The following PITPNM2 variants were observed in gnomAD, a reference collection of about 807,000 sequenced individuals.
The protein encoded by PITPNM2 is phosphatidylinositol transfer protein membrane associated 2.
Under a neutral mutation model 132.2 loss-of-function variants are expected in PITPNM2, and 35 were observed. The ratio of observed to expected loss-of-function variants is 0.26; its 90% CI spans 0.20 to 0.35. The LOEUF is 0.35. PITPNM2 is among the 10% of genes least tolerant of loss of function. The pLI is 1.00. For synonymous variants in PITPNM2, 738 were observed against 799.2 expected, an observed-to-expected ratio of 0.92 and a Z score of 1.29; for missense variants, 1,332 against 1,912.0, an observed-to-expected ratio of 0.70 and a Z score of 5.66.
At chr12:123,021,593 A>C (rs1414725360) in intron 3 of PITPNM2, 1 of 885,786 alleles carries the variant, frequency 1.1e-6, no homozygotes, top group Non-Finnish European at 1.4e-6. Flanking sequence ...ACAGTTTCTA[A>C]ATCAAGCCCC....
intron 3 of PITPNM2, among the ~76,000 whole-genome samples, chr12:123,026,454 G>A (rs541943314): frequency 6.6e-6 from 1 of 152,234 alleles, no homozygotes; most frequent in Non-Finnish European, 1.5e-5. Context: ...AATGTCTATT[G>A]TTTCAAGCTA....
At chr12:123,088,247 A>G (rs7312673) in intron 2 of PITPNM2, 6,318 of 152,078 alleles carry the variant, frequency 0.042, 188 homozygotes, top group Non-Finnish European at 0.064. Flanking sequence ...ATATTACATG[A>G]CTTGCTTTCT....
At chr12:123,014,457 A>G (rs2136268894) in intron 3 of PITPNM2, among the ~76,000 whole-genome samples, 1 of 152,370 alleles carries the variant, frequency 6.6e-6, no homozygotes, top group African/African-American at 2.4e-5. Context: ...TAATCCCAGC[A>G]CTTCAGGAGG....
In PITPNM2 at chr12:123,144,138, C is replaced by A. The variant is rs566745712; in HGVS notation, c.-200+6615G>T. 3.3e-5 allele frequency among the ~76,000 whole-genome samples: 5 copies of A among 152,324 alleles called. No individual in the cohort carries two copies. In the South Asian group the frequency reaches 1.0e-3, roughly 32 times the overall value. Reference sequence around the variant, plus strand: ...TGGCACATTCCCTGCTGAGGTTGAACGAGGGGACATCCTCTATCTTCCCAT... The same window carrying A: ...TGGCACATTCCCTGCTGAGGTTGAAAGAGGGGACATCCTCTATCTTCCCAT... On this transcript the variant is annotated intron_variant, in intron 1 of 25. Coordinates refer to ENST00000320201, the MANE Select transcript of PITPNM2 (RefSeq NM_020845.3).
At position 122,990,541 on chromosome 12, in the gene PITPNM2, T is replaced by A. The variant is rs371788853; in HGVS notation, c.2569+4A>T. 11 of 1,612,704 alleles carry A rather than the reference T, an allele frequency of 6.8e-6. No homozygotes were observed. Among genetic ancestry groups the A allele is most frequent in the Non-Finnish European group, 8.5e-6 (10 of 1,179,854 alleles). The stretch of plus-strand genomic sequence containing the variant: ...GAGGAGGGTGAGGGGCCTGGTATAC[T>A]CACTCTGGGCGATGCTGGATGCCGT... On this transcript the variant is annotated splice_donor_region_variant and intron_variant, in intron 17 of 25. Coordinates refer to ENST00000320201, the MANE Select transcript of PITPNM2 (RefSeq NM_020845.3).
intron 3 of PITPNM2, among the ~76,000 whole-genome samples, chr12:123,017,117 T>A (rs2039458378): frequency 2.0e-5 from 3 of 148,496 alleles, no homozygotes; most frequent in African/African-American, 7.5e-5. Flanking sequence ...ACTCCTGTAA[T>A]CCCAGCACTT....
chr12:123,114,758 G>T (rs2042903510), intron 1 of PITPNM2, among the ~76,000 whole-genome samples: 1 of 152,144 alleles, frequency 6.6e-6, no homozygotes. Context: ...TCATAGAATG[G>T]CTGAAGAGTC....
chr12:123,062,290 G>A (rs2041265918), intron 2 of PITPNM2, among the ~76,000 whole-genome samples: 1 of 152,160 alleles, frequency 6.6e-6, no homozygotes, highest in African/African-American at 2.4e-5. Context: ...TTACTCATCT[G>A]TAAAGGGAGG....
At chr12:123,113,290 G>A (rs1210856147) in intron 1 of PITPNM2, among the ~76,000 whole-genome samples, 6 of 152,228 alleles carry the variant, frequency 3.9e-5, no homozygotes, top group East Asian at 1.9e-4. Context: ...CGTATGGTAG[G>A]TGGAACCACG....
chr12:123,072,461 T>G (rs1394666376), intron 2 of PITPNM2, among the ~76,000 whole-genome samples: 1 of 152,180 alleles, frequency 6.6e-6, no homozygotes, highest in Non-Finnish European at 1.5e-5. Context: ...AGGCACAAAG[T>G]AGACAGCAAG....
chr12:123,046,326 G>A (rs2040656258), intron 2 of PITPNM2, among the ~76,000 whole-genome samples: 1 of 152,068 alleles, frequency 6.6e-6, no homozygotes, highest in Non-Finnish European at 1.5e-5. Flanking sequence ...TTGCTACTTG[G>A]TTTATAAATC....
chr12:122,997,264 C>T, intron 11 of PITPNM2, 61 bp downstream of exon 11: 3 of 1,598,456 alleles, frequency 1.9e-6, no homozygotes, highest in South Asian at 1.1e-5. Context: ...ACCTGAGGCC[C>T]AGGGGTAGGA....
chr12:122,998,507 C>A (rs2038523559), intron 10 of PITPNM2, among the ~76,000 whole-genome samples: 1 of 152,242 alleles, frequency 6.6e-6, no homozygotes, highest in South Asian at 2.1e-4. Flanking sequence ...CCAGAGGTCA[C>A]CCTCCCCTGC....
chr12:123,019,767 T>A (rs1447720251), intron 3 of PITPNM2, among the ~76,000 whole-genome samples: 1 of 152,124 alleles, frequency 6.6e-6, no homozygotes, highest in Non-Finnish European at 1.5e-5. Context: ...GGAAGAATCA[T>A]CCCTGCTCCA....
At chr12:123,048,047 C>T (rs2040718821) in intron 2 of PITPNM2, among the ~76,000 whole-genome samples, 1 of 148,772 alleles carries the variant, frequency 6.7e-6, no homozygotes, top group Admixed American at 6.8e-5. Flanking sequence ...TGCAGTGAGC[C>T]GAGATTGCAC....
intron 2 of PITPNM2, among the ~76,000 whole-genome samples, chr12:123,069,470 A>G (rs976266605): frequency 2.2e-4 from 34 of 152,082 alleles, no homozygotes; most frequent in African/African-American, 7.5e-4. Flanking sequence ...GCCACGCAGC[A>G]AAGAAAAGGC....
intron 5 of PITPNM2, among the ~76,000 whole-genome samples, chr12:123,011,350 G>A (rs1287736907): frequency 1.3e-5 from 2 of 152,190 alleles, no homozygotes. Context: ...ACTCTTCCTG[G>A]AGCAGACCAT....
chr12:123,095,812 C>T lies in PITPNM2; in HGVS notation c.-96+14573G>A, dbSNP rs1375370275. On this transcript the variant is annotated intron_variant, in intron 2 of 25. Coordinates refer to ENST00000320201, the MANE Select transcript of PITPNM2 (RefSeq NM_020845.3). The surrounding 1 kb of genome is among the most constrained non-coding windows in gnomAD (Gnocchi z 5.0). ...TTACACGCAACCCTGCCTCCTGTGT[C>T]GTGTGAACTCAGCACCCCACAGGAT... Among the ~76,000 whole-genome samples the T allele has an allele frequency of 5.9e-5, 9 of 152,350 alleles. No homozygotes were observed. In the South Asian group the frequency reaches 1.2e-3, roughly 21 times the overall value.
intron 1 of PITPNM2, among the ~76,000 whole-genome samples, chr12:123,132,930 G>A (rs1019854074): frequency 1.1e-4 from 17 of 152,190 alleles, no homozygotes; most frequent in South Asian, 4.1e-4. Flanking sequence ...AACAGACCAC[G>A]TTCTGTTTAT....
Sources: allele counts gnomAD v4.1 joint callset (sites outside exome capture counted in the v4.1 genomes callset), GRCh38; gene constraint gnomAD v4.1.1; non-coding constraint Gnocchi (gnomAD v3.1); transcripts MANE v1.5; gene names NCBI Gene and HGNC (gene_info 2026-07-23, HGNC 2026-07-21).